Variants in KIAA1671 observed in about 807,000 individuals in gnomAD.
The protein encoded by KIAA1671 is uncharacterized protein KIAA1671.
A neutral mutation model predicts 131.2 loss-of-function variants in KIAA1671; 52 were observed. The ratio of observed to expected loss-of-function variants is 0.40; its 90% CI spans 0.32 to 0.50. The LOEUF (loss-of-function observed/expected upper bound fraction) is 0.50. KIAA1671 is among the 20% of genes least tolerant of loss of function. The probability of loss-of-function intolerance (pLI) is 0.73; values close to 1 mark genes in which losing one functional copy is unlikely to be tolerated. For synonymous variants in KIAA1671, 1,003 were observed against 961.6 expected (o/e 1.04, Z -0.80); for missense variants, 2,360 against 2,364.2 (o/e 1.00, Z 0.04).
chr22:24,959,751 A>G (rs1033627416), intron 1 of KIAA1671, among the ~76,000 whole-genome samples: 15 of 152,164 alleles, frequency 9.9e-5, no homozygotes, highest in Middle Eastern at 3.2e-3. Context: ...ATAATTATGG[A>G]CTTGACTTCT....
intron 6 of KIAA1671, among the ~76,000 whole-genome samples, chr22:25,150,443 C>T (rs1481281101): frequency 6.6e-6 from 1 of 152,170 alleles, no homozygotes; most frequent in African/African-American, 2.4e-5. Flanking sequence ...TGAGCCCTTT[C>T]CCTGTGCTAA....
intron 1 of KIAA1671, among the ~76,000 whole-genome samples, chr22:24,976,116 G>T (rs1346022845): frequency 6.6e-6 from 1 of 152,202 alleles, no homozygotes; most frequent in African/African-American, 2.4e-5. Flanking sequence ...CGTAGCCAGC[G>T]ACTGCAGGCG....
chr22:25,080,051 G>C (rs1430854551), intron 6 of KIAA1671, among the ~76,000 whole-genome samples: 3 of 152,196 alleles, frequency 2.0e-5, no homozygotes, highest in African/African-American at 7.2e-5. Context: ...AAAGACTTGA[G>C]TCATGGATGA....
intron 1 of KIAA1671, among the ~76,000 whole-genome samples, chr22:24,960,316 C>T (rs922140603): frequency 4.0e-5 from 6 of 151,142 alleles, no homozygotes; most frequent in South Asian, 2.1e-4. Context: ...TTTAGGCGGC[C>T]GGGCGGATCA....
chr22:25,127,159 C>G (rs1231178428), intron 6 of KIAA1671, among the ~76,000 whole-genome samples: 2 of 152,204 alleles, frequency 1.3e-5, no homozygotes, highest in Non-Finnish European at 2.9e-5. Flanking sequence ...AATCATAATA[C>G]TCTTCATGGT....
At chr22:24,984,017 A>G (rs887565511) in intron 1 of KIAA1671, among the ~76,000 whole-genome samples, 15 of 152,068 alleles carry the variant, frequency 9.9e-5, no homozygotes, top group African/African-American at 3.1e-4. Flanking sequence ...ACCTCAGGTG[A>G]TCTGCCCGCC....
chr22:25,033,212 T>G (rs948647224), intron 4 of KIAA1671, among the ~76,000 whole-genome samples: 1 of 151,822 alleles, frequency 6.6e-6, no homozygotes, highest in African/African-American at 2.4e-5. Context: ...ATAGTGAGAC[T>G]CTTATCTCTA....
intron 6 of KIAA1671, among the ~76,000 whole-genome samples, chr22:25,136,771 A>C (rs542589306): frequency 2.0e-5 from 3 of 152,210 alleles, no homozygotes; most frequent in Non-Finnish European, 2.9e-5. Context: ...GGAGTAGGTG[A>C]ATGTAGCACA....
chr22:25,070,987 G>A (rs955136018), intron 6 of KIAA1671, among the ~76,000 whole-genome samples: 3 of 152,352 alleles, frequency 2.0e-5, no homozygotes, highest in African/African-American at 7.2e-5. Flanking sequence ...AAGCTGTGCA[G>A]AAGTGCTTTG....
chr22:25,110,639 A>G (rs1164814193), intron 6 of KIAA1671, among the ~76,000 whole-genome samples: 2 of 152,168 alleles, frequency 1.3e-5, no homozygotes, highest in Admixed American at 6.5e-5. Flanking sequence ...CCCCCTTCTA[A>G]CAACCCCTGA....
intron 4 of KIAA1671, among the ~76,000 whole-genome samples, chr22:25,036,316 G>A (rs1373205307): frequency 6.6e-6 from 1 of 151,890 alleles, no homozygotes; most frequent in East Asian, 1.9e-4. Context: ...CCGACCTCAG[G>A]TGATCCACCC....
intron 1 of KIAA1671, among the ~76,000 whole-genome samples, chr22:24,969,018 A>G (rs528321632): frequency 3.9e-5 from 6 of 151,908 alleles, no homozygotes; most frequent in South Asian, 2.1e-4. Context: ...TCCCACGTCA[A>G]CCTCCTGAGT....
intron 6 of KIAA1671, among the ~76,000 whole-genome samples, chr22:25,117,060 C>T (rs1257161196): frequency 1.3e-5 from 2 of 152,148 alleles, no homozygotes; most frequent in Non-Finnish European, 2.9e-5. Flanking sequence ...CACTAGAAGC[C>T]AGTAGCATCC....
At chr22:25,047,255 A>G (rs1260130525) in intron 5 of KIAA1671, among the ~76,000 whole-genome samples, 4 of 150,032 alleles carry the variant, frequency 2.7e-5, no homozygotes, top group Non-Finnish European at 5.9e-5. Flanking sequence ...GATTCAAGCA[A>G]TTCGCCTGCC....
intron 1 of KIAA1671, chr22:25,013,872 T>G (rs1019309235): frequency 6.6e-6 from 1 of 152,204 alleles, no homozygotes; most frequent in Non-Finnish European, 1.5e-5. Context: ...AAACTCCAAG[T>G]GAGGGCAAGG....
chr22:25,159,382 G>A (rs59085542), intron 6 of KIAA1671, among the ~76,000 whole-genome samples: 16,798 of 152,170 alleles, frequency 0.11, 987 homozygotes, highest in South Asian at 0.14. Flanking sequence ...GACCTTCCCC[G>A]GGGTGCCCTT....
chr22:25,072,141 A>AGAGCCCATGGC (rs1928864642), intron 6 of KIAA1671, among the ~76,000 whole-genome samples: 1 of 152,170 alleles, frequency 6.6e-6, no homozygotes, highest in African/African-American at 2.4e-5. Flanking sequence ...AGAAAGAGCA[A>AGAGCCCATGGC]GAGCCCATGG....
At chr22:25,136,396 G>T (rs1932675238) in intron 6 of KIAA1671, among the ~76,000 whole-genome samples, 1 of 152,144 alleles carries the variant, frequency 6.6e-6, no homozygotes, top group Non-Finnish European at 1.5e-5. Context: ...GGCTGATTCT[G>T]AGCTCTTGCT....
intron 1 of KIAA1671, among the ~76,000 whole-genome samples, chr22:24,966,448 C>T (rs1922310901): frequency 6.6e-6 from 1 of 152,194 alleles, no homozygotes; most frequent in South Asian, 2.1e-4. Context: ...GCCCAGTGCC[C>T]TGGGCAGGGC....
Sources: allele counts gnomAD v4.1 joint callset (sites outside exome capture counted in the v4.1 genomes callset), GRCh38; gene constraint gnomAD v4.1.1; transcripts MANE v1.5; gene names NCBI Gene and HGNC (gene_info 2026-07-23, HGNC 2026-07-21).